The following RNF13 variants were observed in gnomAD, a reference collection of about 807,000 sequenced individuals.
The protein encoded by RNF13 is E3 ubiquitin-protein ligase RNF13.
A neutral mutation model predicts 37.7 loss-of-function variants in RNF13; 19 were observed. That is an observed-to-expected ratio of 0.50 (90% CI 0.35 to 0.74). RNF13 has a LOEUF of 0.74. RNF13 is among the 30% of genes least tolerant of loss of function. The pLI is 0.01. For synonymous variants in RNF13, 144 were observed against 157.8 expected, an observed-to-expected ratio of 0.91 and a Z score of 0.65; for missense variants, 375 against 453.0, an observed-to-expected ratio of 0.83 and a Z score of 1.56.
intron 8 of RNF13, chr3:149,939,817 A>T: frequency 1.3e-4 from 69 of 524,212 alleles, no homozygotes; most frequent in East Asian, 3.5e-4. Context: ...ACACGCACTT[A>T]GGTGGGAGAG....
At chr3:149,825,805 T>G (rs1720443514) in intron 1 of RNF13, among the ~76,000 whole-genome samples, 1 of 152,194 alleles carries the variant, frequency 6.6e-6, no homozygotes. Flanking sequence ...TCACATACAA[T>G]AAACTACATA....
At chr3:149,884,842 AT>A (rs1447016380) in intron 4 of RNF13, among the ~76,000 whole-genome samples, 1 of 150,828 alleles carries the variant, frequency 6.6e-6, no homozygotes. Context: ...ACTAGGTCTT[AT>A]TTATTCTGTG....
chr3:149,864,485 G>A (rs1208708382), intron 3 of RNF13, among the ~76,000 whole-genome samples: 1 of 151,902 alleles, frequency 6.6e-6, no homozygotes, highest in Non-Finnish European at 1.5e-5. Context: ...CAGTATAAAC[G>A]CACCAAGACA....
intron 1 of RNF13, among the ~76,000 whole-genome samples, chr3:149,828,583 C>G (rs1450785696): frequency 6.6e-6 from 1 of 152,142 alleles, no homozygotes; most frequent in Non-Finnish European, 1.5e-5. Context: ...TGGCTTATTG[C>G]TAGGGTTGGC....
At position 149,960,133 on chromosome 3, in the gene RNF13, C is replaced by A; in HGVS notation, c.778C>A (p.His260Asn). Residue 260 changes from histidine (H) to asparagine (N), a missense_variant, in exon 9 of 10, where the codon CAT becomes AAT. His to Asn is a moderately conservative substitution (Grantham distance 68, BLOSUM62 1). Coordinates refer to ENST00000392894, the MANE Select transcript of RNF13 (RefSeq NM_183381.3). ...GDKLRILPCS[H>N]AYHCKCVDPW... ...CAAACTCAGAATCCTTCCCTGTTCC[C>A]ATGGTATGAGTAATTACGTACTGCT... The A allele has an allele frequency of 6.3e-7, 1 of 1,594,328 alleles. No homozygotes were observed. The highest frequency in any genetic ancestry group is 8.6e-7 in the Non-Finnish European group (1 of 1,162,288).
chr3:149,937,885 G>A (rs1719860555), intron 8 of RNF13, among the ~76,000 whole-genome samples: 1 of 152,040 alleles, frequency 6.6e-6, no homozygotes, highest in Non-Finnish European at 1.5e-5. Context: ...GAGCTGGAAA[G>A]GAATGTATAT....
rs111595739 is a variant in RNF13 at position 149,832,150 on chromosome 3, G to T, written c.-16-13861G>T. Among the ~76,000 whole-genome samples, 117 of 151,964 alleles carry T rather than the reference G, an allele frequency of 7.7e-4. 1 individual carries two copies. The highest frequency in any genetic ancestry group is 2.8e-3 in the African/African-American group (114 of 41,428). On this transcript the variant is annotated intron_variant, in intron 1 of 9. Coordinates refer to ENST00000392894, the MANE Select transcript of RNF13 (RefSeq NM_183381.3). ...TGAAATTACTCTGCCTATTCTGTTC[G>T]CAAATTAGGAAAAGATAACAATTCT...
At chr3:149,837,697 G>A (rs997091743) in intron 1 of RNF13, among the ~76,000 whole-genome samples, 6 of 152,078 alleles carry the variant, frequency 3.9e-5, no homozygotes, top group South Asian at 2.1e-4. Flanking sequence ...ACCTCCTGCC[G>A]GGTCCCTCCC....
At chr3:149,883,295 T>G (rs1381038294) in intron 4 of RNF13, among the ~76,000 whole-genome samples, 1 of 152,070 alleles carries the variant, frequency 6.6e-6, no homozygotes, top group African/African-American at 2.4e-5. Flanking sequence ...TTTAATAATT[T>G]CTATTCCTTT....
chr3:149,861,776 A>G (rs1463664691), intron 3 of RNF13, among the ~76,000 whole-genome samples: 2 of 152,162 alleles, frequency 1.3e-5, no homozygotes, highest in South Asian at 2.1e-4. Flanking sequence ...AAGTTGCTGG[A>G]AGACAGAACT....
intron 4 of RNF13, among the ~76,000 whole-genome samples, chr3:149,893,437 T>C (rs1714925968): frequency 6.6e-6 from 1 of 152,206 alleles, no homozygotes; most frequent in Non-Finnish European, 1.5e-5. Flanking sequence ...CAGTTACTTT[T>C]TGGGTGTGGA....
intron 4 of RNF13, among the ~76,000 whole-genome samples, chr3:149,892,921 G>A (rs1330796021): frequency 6.6e-6 from 1 of 152,144 alleles, no homozygotes; most frequent in African/African-American, 2.4e-5. Flanking sequence ...TAAGCAGGGA[G>A]CAATTAATAT....
chr3:149,848,614 G>A (rs1053398863), intron 2 of RNF13, among the ~76,000 whole-genome samples: 2 of 152,206 alleles, frequency 1.3e-5, no homozygotes, highest in African/African-American at 4.8e-5. Context: ...GTTGATTCTA[G>A]TTCCATTTGC....
At chr3:149,958,931 T>A (rs1722119833) in intron 8 of RNF13, among the ~76,000 whole-genome samples, 1 of 152,206 alleles carries the variant, frequency 6.6e-6, no homozygotes, top group Non-Finnish European at 1.5e-5. Flanking sequence ...GGGCTTCTCC[T>A]GAATGTGTGT....
At chr3:149,928,500 G>C in intron 8 of RNF13, among the ~76,000 whole-genome samples, 1 of 152,040 alleles carries the variant, frequency 6.6e-6, no homozygotes, top group East Asian at 1.9e-4. Context: ...TTTATTTATG[G>C]ACTCTCAGGT....
intron 1 of RNF13, among the ~76,000 whole-genome samples, chr3:149,818,484 A>G (rs1304436193): frequency 6.6e-6 from 1 of 152,230 alleles, no homozygotes; most frequent in Admixed American, 6.5e-5. Flanking sequence ...TTAATGCTCA[A>G]CAAACGTAGG....
At chr3:149,927,614 T>TG (rs1332748520) in intron 8 of RNF13, among the ~76,000 whole-genome samples, 3 of 152,224 alleles carry the variant, frequency 2.0e-5, no homozygotes, top group Non-Finnish European at 2.9e-5. Context: ...TCCACATCCT[T>TG]GTCAACACTT....
At chr3:149,951,808 A>G (rs1201004248) in intron 8 of RNF13, among the ~76,000 whole-genome samples, 1 of 152,244 alleles carries the variant, frequency 6.6e-6, no homozygotes. Flanking sequence ...AAAAACTGTC[A>G]TGTCTACTTT....
At chr3:149,844,931 C>G (rs1016609270) in intron 1 of RNF13, among the ~76,000 whole-genome samples, 1 of 152,166 alleles carries the variant, frequency 6.6e-6, no homozygotes, top group African/African-American at 2.4e-5. Context: ...GCAGTCATTT[C>G]TCATTCCCAC....
Sources: allele counts gnomAD v4.1 joint callset (sites outside exome capture counted in the v4.1 genomes callset), GRCh38; gene constraint gnomAD v4.1.1; transcripts MANE v1.5; gene names NCBI Gene and HGNC (gene_info 2026-07-23, HGNC 2026-07-21).